EGFR: variants seen among roughly 807,000 people sequenced by gnomAD.
The protein encoded by EGFR is avian erythroblastic leukemia viral (v-erb-b) oncogene homolog.
A neutral mutation model predicts 143.0 loss-of-function variants in EGFR; 58 were observed. The ratio of observed to expected loss-of-function variants is 0.41; its 90% CI spans 0.33 to 0.50. The LOEUF is 0.50. Among genes scored for constraint, EGFR ranks in the 20% least tolerant of loss-of-function variants. EGFR has a pLI of 0.39. For synonymous variants in EGFR, 613 were observed against 594.4 expected, an observed-to-expected ratio of 1.03 and a Z score of -0.45; for missense variants, 1,307 against 1,579.0, an observed-to-expected ratio of 0.83 and a Z score of 2.92.
chr7:55,098,878 G>T (rs908491633), intron 1 of EGFR, among the ~76,000 whole-genome samples: 4 of 152,166 alleles, frequency 2.6e-5, no homozygotes, highest in Non-Finnish European at 5.9e-5. Context: ...AGTGTTGTCT[G>T]TGAGCTAATT....
At position 55,124,475 on chromosome 7, in the gene EGFR, C is replaced by A. The variant is rs78465195; in HGVS notation, c.89-17811C>A. ...TGCTGTGTATGATATTCTTTGATTG[C>A]AACTTATGGTTGAAAAACTATAGAG... On this transcript the variant is annotated intron_variant, in intron 1 of 27. Transcript: ENST00000275493. 5.9e-3 allele frequency among the ~76,000 whole-genome samples: 901 copies of A among 152,256 alleles called. 7 individuals are homozygous for A. The highest frequency in any genetic ancestry group is 0.02 in the African/African-American group (836 of 41,546).
chr7:55,022,255 T>C (rs1786615224), intron 1 of EGFR, among the ~76,000 whole-genome samples: 3 of 152,130 alleles, frequency 2.0e-5, no homozygotes, highest in Non-Finnish European at 4.4e-5. Context: ...CACTGGAAAG[T>C]ATTCCAAGGC....
At chr7:55,159,532 G>T (rs1785594627) in intron 11 of EGFR, among the ~76,000 whole-genome samples, 1 of 152,128 alleles carries the variant, frequency 6.6e-6, no homozygotes, top group Non-Finnish European at 1.5e-5. Flanking sequence ...TTGGAGGAAG[G>T]CCCCACTTCC....
intron 20 of EGFR, among the ~76,000 whole-genome samples, chr7:55,188,413 C>T (rs1350593279): frequency 1.3e-5 from 2 of 152,172 alleles, no homozygotes. Flanking sequence ...CCAGAATAAG[C>T]CCCGACAGCC....
Position 55,205,161 on chromosome 7 carries a change from C to T in EGFR, c.3272-95C>T, listed in dbSNP as rs899729975. The stretch of plus-strand genomic sequence containing the variant: ...GCTCCTGCTCCCTGTCATAAGTCTC[C>T]TTGTTGAGGACATTCACAGGGTTCA... On this transcript the variant is annotated intron_variant, in intron 27 of 27. Transcript: ENST00000275493. The T allele has an allele frequency of 2.8e-5, 43 of 1,551,814 alleles. 1 individual carries two copies. Among genetic ancestry groups the T allele is most frequent in the Admixed American group, 3.8e-5 (2 of 52,484 alleles).
chr7:55,192,969 A>G, intron 22 of EGFR, 128 bp downstream of exon 22: 2 of 864,212 alleles, frequency 2.3e-6, no homozygotes, highest in South Asian at 1.4e-5. Context: ...TGATAATGTA[A>G]TCATTGCTGT....
intron 20 of EGFR, among the ~76,000 whole-genome samples, chr7:55,190,973 A>G (rs796609037): frequency 7.2e-5 from 11 of 152,278 alleles, no homozygotes; most frequent in African/African-American, 2.6e-4. Flanking sequence ...AGAAAGGTGC[A>G]TGTGACAAGG....
chr7:55,058,483 TA>T (rs1788969892), intron 1 of EGFR, among the ~76,000 whole-genome samples: 1 of 151,530 alleles, frequency 6.6e-6, no homozygotes, highest in Non-Finnish European at 1.5e-5. Context: ...ATAGACTGCA[TA>T]AAGAAAATGT....
intron 1 of EGFR, among the ~76,000 whole-genome samples, chr7:55,061,062 C>T (rs377303063): frequency 3.9e-5 from 6 of 152,278 alleles, no homozygotes; most frequent in East Asian, 1.9e-4. Flanking sequence ...ACAGCCCATG[C>T]GCCTGCTCTT....
At chr7:55,090,612 C>A (rs1791053463) in intron 1 of EGFR, among the ~76,000 whole-genome samples, 1 of 152,146 alleles carries the variant, frequency 6.6e-6, no homozygotes, top group South Asian at 2.1e-4. Flanking sequence ...AAAGTTTCAC[C>A]TAATCTCTTA....
chr7:55,037,919 G>C (rs1787687743), intron 1 of EGFR, among the ~76,000 whole-genome samples: 2 of 152,094 alleles, frequency 1.3e-5, no homozygotes, highest in South Asian at 4.2e-4. Context: ...TGGGAAGAGG[G>C]GTACTGAGGC....
intron 1 of EGFR, among the ~76,000 whole-genome samples, chr7:55,096,666 C>T (rs1219655518): frequency 1.3e-5 from 2 of 152,178 alleles, no homozygotes; most frequent in African/African-American, 2.4e-5. Flanking sequence ...AACTGCCGCA[C>T]GGCCACTTTT....
At chr7:55,108,111 G>A (rs1562720163) in intron 1 of EGFR, among the ~76,000 whole-genome samples, 1 of 152,240 alleles carries the variant, frequency 6.6e-6, no homozygotes, top group Non-Finnish European at 1.5e-5. Flanking sequence ...ATTTTTAGCT[G>A]CAGTGTGACT....
chr7:55,147,245 G>A (rs973763759), intron 4 of EGFR, among the ~76,000 whole-genome samples: 25 of 152,210 alleles, frequency 1.6e-4, no homozygotes, highest in African/African-American at 6.0e-4. Flanking sequence ...CTGGTGGCCT[G>A]GTCCCTGTCC....
rs771210838 is a variant in EGFR at position 55,019,288 on chromosome 7, C to T, written c.11C>T (p.Ser4Phe). 2 of 1,505,826 alleles carry T rather than the reference C, an allele frequency of 1.3e-6. No homozygotes were observed. Among genetic ancestry groups the T allele is most frequent in the South Asian group, 1.2e-5 (1 of 82,378 alleles). 93.3% of individuals were successfully genotyped at this position (1,505,826 alleles called of 1,614,324 possible). A position where few individuals can be genotyped will look rare whatever the true frequency, so the allele number is the denominator to read the frequency against. The change falls in exon 1 of 28, where the codon TCC becomes TTC. Residue 4 changes from serine (S) to phenylalanine (F), a missense_variant. By Grantham distance (155) the Ser-to-Phe change is radical. Coordinates refer to ENST00000275493, the MANE Select transcript of EGFR (RefSeq NM_005228.5). ...CTTCGGGGAGCAGCGATGCGACCCT[C>T]CGGGACGGCCGGGGCAGCGCTCCTG... Reference protein sequence around the residue: MRPSGTAGAALLAL... With the variant: MRPFGTAGAALLAL...
In EGFR at chr7:55,174,832, CT is replaced by C. The variant is rs1786528918; in HGVS notation, c.2283+15del. On this transcript the variant is annotated intron_variant, in intron 19 of 27. Coordinates refer to ENST00000275493, the MANE Select transcript of EGFR (RefSeq NM_005228.5). The stretch of plus-strand genomic sequence containing the variant: ...AGGAAATCCTCGATGTGAGTTTCTG[CT>C]TTGCTGTGTGGGGGTCCATGGCTCT... 2 of 1,610,694 alleles carry C rather than the reference CT, an allele frequency of 1.2e-6. No individual in the cohort carries two copies. The highest frequency in any genetic ancestry group is 1.3e-5 in the African/African-American group (1 of 74,858).
chr7:55,174,089 C>G (rs2128953885), intron 18 of EGFR, 46 bp downstream of exon 18: 2 of 1,613,408 alleles, frequency 1.2e-6, no homozygotes, highest in Non-Finnish European at 1.7e-6. Flanking sequence ...CAGGGCCTCT[C>G]ATGGTCTGGT....
intron 19 of EGFR, among the ~76,000 whole-genome samples, chr7:55,176,776 A>G (rs1289800083): frequency 2.0e-5 from 3 of 148,740 alleles, no homozygotes; most frequent in Non-Finnish European, 4.4e-5. Context: ...AGATATCTAT[A>G]TATACTCTGT....
At chr7:55,122,705 G>C (rs1005760472) in intron 1 of EGFR, among the ~76,000 whole-genome samples, 3 of 152,198 alleles carry the variant, frequency 2.0e-5, no homozygotes, top group Non-Finnish European at 4.4e-5. Flanking sequence ...GACAGCTCAA[G>C]CATCAGATCC....
Sources: gnomAD v4.1 joint callset for allele counts (sites outside exome capture counted in the v4.1 genomes callset) on GRCh38, gnomAD v4.1.1 for gene constraint, MANE v1.5 for transcripts, NCBI Gene and HGNC (gene_info 2026-07-23, HGNC 2026-07-21) for gene names.